CDH18: variants seen among roughly 807,000 people sequenced by gnomAD.
The protein encoded by CDH18 is cadherin-18.
Under a neutral mutation model 67.9 loss-of-function variants are expected in CDH18, and 31 were observed. The ratio of observed to expected loss-of-function variants is 0.46; its 90% CI spans 0.34 to 0.62. The LOEUF (loss-of-function observed/expected upper bound fraction) is 0.62. CDH18 is among the 20% of genes least tolerant of loss of function. CDH18 has a pLI of 0.01. For missense variants in CDH18, 890 were observed against 975.5 expected, an observed-to-expected ratio of 0.91 and a Z score of 1.17; for synonymous variants, 362 against 347.2, an observed-to-expected ratio of 1.04 and a Z score of -0.48.
intron 2 of CDH18, among the ~76,000 whole-genome samples, chr5:19,842,191 A>G (rs1360427413): frequency 6.6e-6 from 1 of 152,198 alleles, no homozygotes; most frequent in Admixed American, 6.5e-5. Flanking sequence ...ACATTCCAAT[A>G]TGTGAATTCT....
intron 1 of CDH18, among the ~76,000 whole-genome samples, chr5:20,283,023 C>A (rs1051835233): frequency 2.0e-5 from 3 of 152,184 alleles, no homozygotes; most frequent in East Asian, 3.9e-4. Context: ...GGGTAAGGGA[C>A]AATCTCTTCA....
chr5:19,765,610 C>A (rs148039262), intron 3 of CDH18, among the ~76,000 whole-genome samples: 5 of 152,024 alleles, frequency 3.3e-5, no homozygotes, highest in African/African-American at 1.2e-4. Flanking sequence ...ATTCAATACA[C>A]TAAAGAACCA....
chr5:20,242,315 G>C (rs1401304029), intron 2 of CDH18, among the ~76,000 whole-genome samples: 1 of 151,570 alleles, frequency 6.6e-6, no homozygotes, highest in Non-Finnish European at 1.5e-5. Context: ...TACTGTTTTA[G>C]CATTTTTGAA....
chr5:19,742,761 CAAGA>C (rs1373553433), intron 4 of CDH18, among the ~76,000 whole-genome samples: 1 of 151,814 alleles, frequency 6.6e-6, no homozygotes, highest in Non-Finnish European at 1.5e-5. Flanking sequence ...CTCTCTCACT[CAAGA>C]AAGAATTGAA....
chr5:19,672,277 G>C (rs541064959), intron 5 of CDH18, among the ~76,000 whole-genome samples: 1 of 152,102 alleles, frequency 6.6e-6, no homozygotes, highest in African/African-American at 2.4e-5. Context: ...GGTCCAGCAA[G>C]TATTCTCACT....
chr5:20,223,823 G>A (rs1405910095), intron 2 of CDH18, among the ~76,000 whole-genome samples: 6 of 152,070 alleles, frequency 3.9e-5, no homozygotes, highest in African/African-American at 1.4e-4. Context: ...CAGGTAAAAC[G>A]TGACTTTGCT....
At chr5:19,842,743 T>C (rs1782478018) in intron 2 of CDH18, among the ~76,000 whole-genome samples, 1 of 152,138 alleles carries the variant, frequency 6.6e-6, no homozygotes, top group Non-Finnish European at 1.5e-5. Flanking sequence ...AATAGGAAGA[T>C]GTGGGAAAAT....
At chr5:20,413,494 G>A (rs1403674326) in intron 1 of CDH18, among the ~76,000 whole-genome samples, 1 of 152,026 alleles carries the variant, frequency 6.6e-6, no homozygotes, top group Non-Finnish European at 1.5e-5. Context: ...ACTTTTTAAT[G>A]ATAGCCCTTC....
chr5:19,526,504 G>C (rs1053397921), intron 9 of CDH18, among the ~76,000 whole-genome samples: 1 of 152,088 alleles, frequency 6.6e-6, no homozygotes, highest in Non-Finnish European at 1.5e-5. Context: ...GTAACACTAT[G>C]ATGGGCTCTG....
rs752782320 is a variant in CDH18 at position 20,215,332 on chromosome 5, G to A, written c.-518+40112C>T. Reference sequence around the variant, plus strand: ...ATACAATAAATATTTCTGTCTACACGGACATAAAGGGTTGAGTAAGTAAAC... The same window carrying A: ...ATACAATAAATATTTCTGTCTACACAGACATAAAGGGTTGAGTAAGTAAAC... On this transcript the variant is annotated intron_variant, in intron 2 of 14. Transcript: ENST00000507958. Among the ~76,000 whole-genome samples the A allele has an allele frequency of 1.6e-4, 25 of 151,776 alleles. 1 individual carries two copies. Among genetic ancestry groups the A allele is most frequent in the Middle Eastern group, 3.4e-3 (1 of 294 alleles).
At chr5:20,114,878 A>G (rs1747759263) in intron 2 of CDH18, among the ~76,000 whole-genome samples, 1 of 152,160 alleles carries the variant, frequency 6.6e-6, no homozygotes, top group South Asian at 2.1e-4. Flanking sequence ...AAAATCCAGT[A>G]ATAGTTGTTG....
In CDH18 at chr5:19,951,611, T is replaced by C. The variant is rs546688220; in HGVS notation, c.-257+29449A>G. On this transcript the variant is annotated intron_variant, in intron 2 of 12. Coordinates refer to ENST00000382275, the MANE Select transcript of CDH18 (RefSeq NM_004934.5). ...AACTGAGTTAATTATGATACCTTAT[T>C]TTATAGAGTATAGAACTCTGGGATT... is the stretch of plus-strand genomic sequence containing the variant. Among the ~76,000 whole-genome samples, 282 of 152,224 alleles carry C rather than the reference T, an allele frequency of 1.9e-3. 3 individuals carry two copies. The highest frequency in any genetic ancestry group is 6.5e-3 in the African/African-American group (272 of 41,552).
intron 1 of CDH18, among the ~76,000 whole-genome samples, chr5:20,486,719 ATGTGTG>A (rs1232909444): frequency 6.8e-6 from 1 of 146,862 alleles, no homozygotes; most frequent in Non-Finnish European, 1.5e-5. Context: ...GTGTGTGTGT[ATGTGTG>A]TGTGTGTTGT....
chr5:19,584,313 T>C (rs996629070), intron 7 of CDH18, among the ~76,000 whole-genome samples: 1 of 152,202 alleles, frequency 6.6e-6, no homozygotes, highest in African/African-American at 2.4e-5. Context: ...GACAGGAACG[T>C]TGCAGACAGT....
In CDH18 at chr5:20,000,338, C is replaced by A. The variant is rs144217392; in HGVS notation, c.-517-8324G>T. Among the ~76,000 whole-genome samples, 927 of 152,024 alleles carry A rather than the reference C, an allele frequency of 6.1e-3. 6 individuals carry two copies. Among genetic ancestry groups the A allele is most frequent in the African/African-American group, 0.021 (878 of 41,444 alleles). On this transcript the variant is annotated intron_variant, in intron 2 of 14. Transcript: ENST00000507958. ...TACAACCAAAAAGATATAATGAATG[C>A]CTTTAACTTAGTATAAGAATAAAAA...
chr5:20,109,588 C>T (rs1747277656), intron 2 of CDH18, among the ~76,000 whole-genome samples: 1 of 152,166 alleles, frequency 6.6e-6, no homozygotes, highest in Non-Finnish European at 1.5e-5. Context: ...AGGTAGTTTT[C>T]CTTCAGACCT....
intron 1 of CDH18, among the ~76,000 whole-genome samples, chr5:20,389,039 G>T (rs1017317507): frequency 6.6e-6 from 1 of 152,148 alleles, no homozygotes; most frequent in African/African-American, 2.4e-5. Flanking sequence ...TTGACTTGGG[G>T]TGGAGAGATC....
chr5:19,733,261 C>T (rs1244779544), intron 4 of CDH18, among the ~76,000 whole-genome samples: 2 of 152,170 alleles, frequency 1.3e-5, no homozygotes, highest in Non-Finnish European at 2.9e-5. Context: ...GATTGAGCTT[C>T]ACCCTTCACC....
chr5:20,304,462 A>G (rs1301427676), intron 1 of CDH18: 5 of 1,540,212 alleles, frequency 3.2e-6, no homozygotes, highest in Non-Finnish European at 3.6e-6. Flanking sequence ...TGCATTCACC[A>G]CTGTCACCTT....
Sources: gnomAD v4.1 joint callset for allele counts (sites outside exome capture counted in the v4.1 genomes callset) on GRCh38, gnomAD v4.1.1 for gene constraint, MANE v1.5 for transcripts, NCBI Gene and HGNC (gene_info 2026-07-23, HGNC 2026-07-21) for gene names.